Variants in MCRIP1 observed in about 807,000 individuals in gnomAD.
MCRIP1 encodes mapk-regulated corepressor-interacting protein 1.
In MCRIP1, 10 loss-of-function variants were observed where a neutral mutation model predicts 14.4. The observed-to-expected ratio is 0.70, with a 90% CI of 0.43 to 1.18. The LOEUF (loss-of-function observed/expected upper bound fraction) is 1.18. Among genes scored for constraint, MCRIP1 ranks in the 50% most tolerant of loss-of-function variants. The probability of loss-of-function intolerance (pLI) is 0.00; values close to 1 mark genes in which losing one functional copy is unlikely to be tolerated. For synonymous variants in MCRIP1, 53 were observed against 55.7 expected (o/e 0.95, Z 0.21); for missense variants, 119 against 135.4 (o/e 0.88, Z 0.60).
rs968483441 is a variant in MCRIP1 at position 81,823,091 on chromosome 17, A to C, written c.*156T>G. 4.2e-6 allele frequency: 3 copies of C among 709,404 alleles called. No individual in the cohort carries two copies. The highest frequency in any genetic ancestry group is 7.2e-6 in the Non-Finnish European group (3 of 414,212). 43.9% of individuals were successfully genotyped at this position (709,404 alleles called of 1,614,324 possible). A position where few individuals can be genotyped will look rare whatever the true frequency, so the allele number is the denominator to read the frequency against. On this transcript the variant is annotated 3_prime_UTR_variant, in exon 5 of 5. Coordinates refer to ENST00000455127, the MANE Select transcript of MCRIP1 (RefSeq NM_207368.5). The surrounding 1 kb of genome is among the most constrained non-coding windows in gnomAD (Gnocchi z 6.0). ...AAGGATGAAGGAAGGGGGCTTGGGA[A>C]GGAGAGGCAGGCCTCAGCCGTCAGT... is the stretch of plus-strand genomic sequence containing the variant.
intron 3 of MCRIP1, 149 bp downstream of exon 3, chr17:81,824,138 G>A (rs1169100744): frequency 4.3e-6 from 3 of 699,692 alleles, no homozygotes; most frequent in Admixed American, 2.8e-5. Context: ...GGGCCCTGAA[G>A]GCTGTGGACA....
In MCRIP1 at chr17:81,825,761, C is replaced by T. The variant is rs772636959; in HGVS notation, c.-48-1207G>A. ...GCCAGGGGCTCCCCACCCACGGCAG[C>T]ACCCAGTTTGCTCACAAAGTCACCT... is the stretch of plus-strand genomic sequence containing the variant. On this transcript the variant is annotated intron_variant, in intron 1 of 4. Transcript: ENST00000455127. 1.2e-4 allele frequency: 159 copies of T among 1,289,428 alleles called. 1 individual carries two copies. The South Asian group carries it at 1.9e-3, about 15-fold the overall frequency. The allele number at this position is 1,289,428 out of a possible 1,614,324, so 79.9% of individuals were successfully genotyped here.
chr17:81,824,770 G>A (rs542677477), intron 1 of MCRIP1: 44 of 1,420,394 alleles, frequency 3.1e-5, no homozygotes, highest in South Asian at 1.7e-4. Context: ...CTGGCCAGAC[G>A]AGCCAGACAC....
At chr17:81,825,712 G>C in intron 1 of MCRIP1, 1 of 1,289,346 alleles carries the variant, frequency 7.8e-7, no homozygotes, top group Non-Finnish European at 1.0e-6. Context: ...CCCCATCCCA[G>C]GCCAGGAGTG....
rs2143201894 is a variant in MCRIP1, at chr17:81,823,938, CT to C, written c.127+348del. Reference sequence around the variant, plus strand: ...CGCCCGTTCATGGCTGGATGCGTGCCTGTCTGTCTTCAAAGGCCCCTCCCTT... The same window carrying C: ...CGCCCGTTCATGGCTGGATGCGTGCCGTCTGTCTTCAAAGGCCCCTCCCTT... On this transcript the variant is annotated intron_variant, in intron 3 of 4. Coordinates refer to ENST00000455127, the MANE Select transcript of MCRIP1 (RefSeq NM_207368.5). This position sits in a 1 kb window ranked among gnomAD's most constrained non-coding sequence, Gnocchi z 6.0. 1 of 515,536 alleles carries C rather than the reference CT, an allele frequency of 1.9e-6. No homozygotes were observed. Among genetic ancestry groups the C allele is most frequent in the African/African-American group, 1.9e-5 (1 of 51,826 alleles). The allele number at this position is 515,536 out of a possible 1,614,324, so 31.9% of individuals were successfully genotyped here.
At chr17:81,829,825 C>T (rs1464709438) in intron 1 of MCRIP1, among the ~76,000 whole-genome samples, 1 of 152,214 alleles carries the variant, frequency 6.6e-6, no homozygotes, top group Non-Finnish European at 1.5e-5. Context: ...TCCAGACACC[C>T]AGCATCAGGA....
chr17:81,826,773 G>A lies in MCRIP1; in HGVS notation c.-48-2219C>T, dbSNP rs185155836. ...GGTGGAGGTGCAGTGAGCCAAGATC[G>A]CGCCAACGCACTCCAGCCTGGGCGA... On this transcript the variant is annotated intron_variant, in intron 1 of 4. Coordinates refer to ENST00000455127, the MANE Select transcript of MCRIP1 (RefSeq NM_207368.5). 4.7e-5 allele frequency: 8 copies of A among 169,544 alleles called. No homozygotes were observed. In the South Asian group the frequency reaches 5.9e-4, roughly 13 times the overall value. 10.5% of individuals were successfully genotyped at this position (169,544 alleles called of 1,614,324 possible).
At chr17:81,827,367 G>A (rs2038429504) in intron 1 of MCRIP1, among the ~76,000 whole-genome samples, 1 of 151,558 alleles carries the variant, frequency 6.6e-6, no homozygotes, top group Non-Finnish European at 1.5e-5. Flanking sequence ...CGCCTCCCGG[G>A]TTCACGCCAT....
chr17:81,827,516 C>G (rs926489192), intron 1 of MCRIP1, among the ~76,000 whole-genome samples: 3 of 151,864 alleles, frequency 2.0e-5, no homozygotes, highest in Admixed American at 2.0e-4. Flanking sequence ...TGTGATCCAC[C>G]CACCTGGGCC....
rs900543360 is a variant in MCRIP1, at chr17:81,823,570, C to T, written c.128-57G>A. The T allele has an allele frequency of 1.3e-5, 19 of 1,442,738 alleles. No individual in the cohort carries two copies. The highest frequency in any genetic ancestry group is 1.4e-5 in the Non-Finnish European group (15 of 1,064,576). 89.4% of individuals were successfully genotyped at this position (1,442,738 alleles called of 1,614,324 possible). On this transcript the variant is annotated intron_variant, in intron 3 of 4. Transcript: ENST00000455127. The surrounding 1 kb of genome is among the most constrained non-coding windows in gnomAD (Gnocchi z 6.0). ...CCCCTGCCCCAGGGGGTGGCATCCA[C>T]GTCACGAGAGTGCCTGCCCTCAGCT...
At chr17:81,830,638 AAAAAAAG>A (rs2038498501) in intron 1 of MCRIP1, among the ~76,000 whole-genome samples, 1 of 151,990 alleles carries the variant, frequency 6.6e-6, no homozygotes, top group Non-Finnish European at 1.5e-5. Flanking sequence ...ACTTCATCTC[AAAAAAAG>A]AAAAAAGAAA....
At chr17:81,826,492 C>T (rs2038399538) in intron 1 of MCRIP1, 1 of 839,608 alleles carries the variant, frequency 1.2e-6, no homozygotes, top group South Asian at 1.7e-5. Context: ...CACTGCACTC[C>T]AGCCCAGGCA....
intron 1 of MCRIP1, among the ~76,000 whole-genome samples, chr17:81,830,134 T>C (rs1285672871): frequency 1.3e-5 from 2 of 152,096 alleles, no homozygotes; most frequent in Non-Finnish European, 2.9e-5. Flanking sequence ...GGTATTCCCC[T>C]GCTCTGGGGC....
intron 3 of MCRIP1, 27 bp downstream of exon 3, chr17:81,824,260 G>C: frequency 6.7e-7 from 1 of 1,500,392 alleles, no homozygotes; most frequent in Non-Finnish European, 9.0e-7. Context: ...GGACAGGGCA[G>C]GAGCTGTGTG....
intron 1 of MCRIP1, chr17:81,825,406 G>C: frequency 2.5e-6 from 3 of 1,188,348 alleles, no homozygotes; most frequent in Non-Finnish European, 3.2e-6. Flanking sequence ...AGCCTGCCCT[G>C]CTCCAGAGGG....
rs1236094195 is a variant in MCRIP1, at chr17:81,824,336, G to A, written c.78C>T (p.Ser26=). 7.2e-6 allele frequency: 11 copies of A among 1,535,866 alleles called. No homozygotes were observed. The highest frequency in any genetic ancestry group is 1.7e-4 in the Middle Eastern group (1 of 5,968). ...CCTCGTGGGCTGGGGTGAAGATCTC[G>A]CTGCTGCTGGGTGGGGAGCGGGGGC... ...TSSPRSPPSS[S]EIFTPAHEEN... Residue 26 remains serine, a synonymous_variant, in exon 3 of 5, where the codon AGC becomes AGT. Transcript: ENST00000455127.
At chr17:81,827,140 G>A (rs1052310200) in intron 1 of MCRIP1, among the ~76,000 whole-genome samples, 4 of 151,178 alleles carry the variant, frequency 2.6e-5, no homozygotes, top group Non-Finnish European at 4.4e-5. Flanking sequence ...AAAAAGCCAG[G>A]TACGGTTGCT....
chr17:81,824,615 G>A, intron 1 of MCRIP1, 61 bp from the exon 2 acceptor site: 1 of 1,534,396 alleles, frequency 6.5e-7, no homozygotes, highest in Non-Finnish European at 8.7e-7. Flanking sequence ...ACAGAAGGAG[G>A]GGGAGGCGCA....
chr17:81,823,120 G>A lies in MCRIP1; in HGVS notation c.*127C>T, dbSNP rs1317927369. 4.2e-5 allele frequency: 37 copies of A among 877,002 alleles called. No homozygotes were observed. The South Asian group carries it at 4.5e-4, about 11-fold the overall frequency. The allele number at this position is 877,002 out of a possible 1,614,324, so 54.3% of individuals were successfully genotyped here. A position where few individuals can be genotyped will look rare whatever the true frequency, so the allele number is the denominator to read the frequency against. ...GAGGCAGGCCTCAGCCGTCAGTCAC[G>A]CCAGTGCTGGGATCTGCAGCCCGCT... is the stretch of plus-strand genomic sequence containing the variant. On this transcript the variant is annotated 3_prime_UTR_variant, in exon 5 of 5. Transcript: ENST00000455127. The surrounding 1 kb of genome is among the most constrained non-coding windows in gnomAD (Gnocchi z 6.0).
Sources: allele counts gnomAD v4.1 joint callset (sites outside exome capture counted in the v4.1 genomes callset), GRCh38; gene constraint gnomAD v4.1.1; non-coding constraint Gnocchi (gnomAD v3.1); transcripts MANE v1.5; gene names NCBI Gene and HGNC (gene_info 2026-07-23, HGNC 2026-07-21).